Variants in FRMD4A observed in about 807,000 individuals in gnomAD.
The protein encoded by FRMD4A is FERM domain containing 4A, also known as FERM domain-containing protein 4A.
FRMD4A carries 29 observed loss-of-function variants against 129.1 expected under a neutral mutation model. That is an observed-to-expected ratio of 0.22 (90% confidence interval 0.17 to 0.31). FRMD4A has a LOEUF of 0.31. Ranked by LOEUF, FRMD4A falls within the 10% of genes least tolerant of loss-of-function variation. FRMD4A has a pLI of 1.00. For synonymous variants in FRMD4A, 634 were observed against 571.6 expected (o/e 1.11, Z -1.56); for missense variants, 1,272 against 1,375.8 (o/e 0.92, Z 1.19).
intron 2 of FRMD4A, among the ~76,000 whole-genome samples, chr10:14,168,599 G>A (rs1349453915): frequency 6.6e-6 from 1 of 152,152 alleles, no homozygotes; most frequent in African/African-American, 2.4e-5. Flanking sequence ...TGTATTCATG[G>A]CAATGACAAT....
intron 2 of FRMD4A, among the ~76,000 whole-genome samples, chr10:14,135,172 A>C (rs1440387624): frequency 6.6e-6 from 1 of 152,214 alleles, no homozygotes; most frequent in Non-Finnish European, 1.5e-5. Flanking sequence ...TGTTAAAGCA[A>C]ACTTAATATG....
intron 2 of FRMD4A, among the ~76,000 whole-genome samples, chr10:13,875,833 G>A (rs2094483641): frequency 6.6e-6 from 1 of 152,140 alleles, no homozygotes; most frequent in Non-Finnish European, 1.5e-5. Flanking sequence ...AGGCAAAAGG[G>A]AGGCTATTAT....
At chr10:13,917,177 G>A (rs1236920576) in intron 2 of FRMD4A, among the ~76,000 whole-genome samples, 5 of 152,072 alleles carry the variant, frequency 3.3e-5, no homozygotes, top group South Asian at 2.1e-4. Context: ...GGTGTGATTC[G>A]GATTGACAAA....
chr10:14,040,233 T>C (rs1195272084), intron 2 of FRMD4A, among the ~76,000 whole-genome samples: 4 of 152,018 alleles, frequency 2.6e-5, no homozygotes, highest in Admixed American at 2.6e-4. Context: ...TGGGCTTGTG[T>C]GTGTACAACA....
intron 21 of FRMD4A, among the ~76,000 whole-genome samples, chr10:13,658,148 A>AG (rs1238286288): frequency 2.0e-5 from 3 of 151,008 alleles, no homozygotes; most frequent in Non-Finnish European, 4.4e-5. Flanking sequence ...AAAAAAAAAA[A>AG]AAAAAAAAAG....
intron 2 of FRMD4A, among the ~76,000 whole-genome samples, chr10:14,212,109 C>T (rs1421289662): frequency 1.3e-5 from 2 of 152,134 alleles, no homozygotes; most frequent in East Asian, 1.9e-4. Context: ...AATTGCATCT[C>T]TTCTCCCAGG....
chr10:14,194,169 G>C (rs567178178), intron 2 of FRMD4A, among the ~76,000 whole-genome samples: 2 of 152,158 alleles, frequency 1.3e-5, no homozygotes, highest in Non-Finnish European at 2.9e-5. Flanking sequence ...AACCACAAAA[G>C]TAAAAGCAAA....
chr10:13,689,903 TATCCTTCA>T (rs1179354805), intron 15 of FRMD4A, among the ~76,000 whole-genome samples: 1,785 of 152,228 alleles, frequency 0.012, 28 homozygotes, highest in African/African-American at 0.041. Flanking sequence ...GTCTTATTAG[TATCCTTCA>T]CAATTTAATT....
chr10:14,067,856 G>T (rs1245223884), intron 2 of FRMD4A, among the ~76,000 whole-genome samples: 1 of 152,050 alleles, frequency 6.6e-6, no homozygotes, highest in Non-Finnish European at 1.5e-5. Flanking sequence ...CAAAAACACT[G>T]TCATGAACAC....
intron 2 of FRMD4A, among the ~76,000 whole-genome samples, chr10:14,275,774 C>T (rs1845318562): frequency 6.6e-6 from 1 of 152,132 alleles, no homozygotes; most frequent in Non-Finnish European, 1.5e-5. Context: ...AGTGGCAGCT[C>T]ACATCTGTAA....
At chr10:14,291,871 AATT>A (rs1435982781) in intron 2 of FRMD4A, among the ~76,000 whole-genome samples, 2 of 151,908 alleles carry the variant, frequency 1.3e-5, no homozygotes, top group Non-Finnish European at 2.9e-5. Flanking sequence ...TTAGCGAATA[AATT>A]ATTAATAGGT....
chr10:14,216,208 T>G (rs1412235651), intron 2 of FRMD4A, among the ~76,000 whole-genome samples: 2 of 152,226 alleles, frequency 1.3e-5, no homozygotes, highest in African/African-American at 2.4e-5. Flanking sequence ...ATCCTCACTA[T>G]TCCTAATTAA....
At chr10:13,967,341 A>T (rs1051080778) in intron 2 of FRMD4A, among the ~76,000 whole-genome samples, 2 of 147,720 alleles carry the variant, frequency 1.4e-5, no homozygotes, top group African/African-American at 4.9e-5. Context: ...CGTCTCAAAG[A>T]AAAAAAAAAA....
chr10:14,195,762 A>G (rs181185093), intron 2 of FRMD4A, among the ~76,000 whole-genome samples: 1 of 152,304 alleles, frequency 6.6e-6, no homozygotes, highest in East Asian at 1.9e-4. Flanking sequence ...GGATAAAATT[A>G]ATAGTAGCAA....
At chr10:14,130,569 G>A (rs1589041828) in intron 2 of FRMD4A, among the ~76,000 whole-genome samples, 1 of 152,178 alleles carries the variant, frequency 6.6e-6, no homozygotes. Flanking sequence ...ACATTTTTAA[G>A]TTTCTTCTTT....
intron 2 of FRMD4A, among the ~76,000 whole-genome samples, chr10:14,134,224 C>A (rs11258885): frequency 0.26 from 39,629 of 151,908 alleles, 6,196 homozygotes; most frequent in East Asian, 0.51. Flanking sequence ...GTCTTGAAAT[C>A]TTTTTGGAAT....
At chr10:14,023,114 T>C (rs965521277) in intron 2 of FRMD4A, among the ~76,000 whole-genome samples, 5 of 152,004 alleles carry the variant, frequency 3.3e-5, no homozygotes, top group Admixed American at 2.6e-4. Flanking sequence ...ATACTTCTCA[T>C]AAAGTCATGA....
At chr10:13,654,180 C>T in intron 23 of FRMD4A, 1 of 576,576 alleles carries the variant, frequency 1.7e-6, no homozygotes. Flanking sequence ...CCCCACATCC[C>T]AAGGACCACC....
chr10:13,933,921 C>T (rs1454830301), intron 2 of FRMD4A, among the ~76,000 whole-genome samples: 2 of 152,182 alleles, frequency 1.3e-5, no homozygotes, highest in Non-Finnish European at 2.9e-5. Flanking sequence ...CTAGAAATGT[C>T]ACCAGGATAA....
Sources: allele counts gnomAD v4.1 joint callset (sites outside exome capture counted in the v4.1 genomes callset), GRCh38; gene constraint gnomAD v4.1.1; transcripts MANE v1.5; gene names NCBI Gene and HGNC (gene_info 2026-07-23, HGNC 2026-07-21).